The following DCP2 variants were observed in gnomAD, a reference collection of about 807,000 sequenced individuals.
DCP2 encodes m7GpppN-mRNA hydrolase.
In DCP2, 30 loss-of-function variants were observed where a neutral mutation model predicts 56.1. The observed-to-expected ratio is 0.53, with a 90% CI of 0.40 to 0.73. The LOEUF is 0.73. Ranked by LOEUF, DCP2 falls within the 30% of genes least tolerant of loss-of-function variation. DCP2 has a pLI of 0.00. For synonymous variants in DCP2, 197 were observed against 163.3 expected, an observed-to-expected ratio of 1.21 and a Z score of -1.57; for missense variants, 533 against 502.7, an observed-to-expected ratio of 1.06 and a Z score of -0.58.
At position 113,017,425 on chromosome 5, in the gene DCP2, T is replaced by A. The variant is rs1749934282; in HGVS notation, c.*3941T>A. 6.6e-6 allele frequency: 1 copy of A among 152,142 alleles called. No individual in the cohort carries two copies. Among genetic ancestry groups the A allele is most frequent in the African/African-American group, 2.4e-5 (1 of 41,432 alleles). The allele number at this position is 152,142 out of a possible 1,614,324, so 9.4% of individuals were successfully genotyped here. On this transcript the variant is annotated 3_prime_UTR_variant, in exon 11 of 11. Transcript: ENST00000389063. The stretch of plus-strand genomic sequence containing the variant: ...GTAAAGTCTAGGTAGAGTTTCTGAT[T>A]TTGTATTATGTCCTAAGACTTGAAA...
chr5:112,992,085 T>A (rs918442076), intron 2 of DCP2, 36 bp from the exon 3 acceptor site: 2 of 1,608,726 alleles, frequency 1.2e-6, no homozygotes, highest in Middle Eastern at 1.7e-4. Flanking sequence ...CAAGCCATAT[T>A]AAAGGAGAAA....
intron 1 of DCP2, chr5:112,984,692 A>AT (rs1561685065): frequency 2.9e-5 from 3 of 104,840 alleles, no homozygotes; most frequent in African/African-American, 1.5e-4. Context: ...TAATTAAAAA[A>AT]AAAAAAAAAA....
Position 113,016,750 on chromosome 5 carries a change from C to T in DCP2, c.*3266C>T, listed in dbSNP as rs1749902910. ...GACTTCTCATCCTTTCTTTTTTCAT[C>T]TCCAACAGTTAAATGGTAAGGAGAG... On this transcript the variant is annotated 3_prime_UTR_variant, in exon 11 of 11. Transcript: ENST00000389063. 3 of 152,022 alleles carry T rather than the reference C, an allele frequency of 2.0e-5. No homozygotes were observed. The highest frequency in any genetic ancestry group is 4.4e-5 in the Non-Finnish European group (3 of 68,016). The allele number at this position is 152,022 out of a possible 1,614,324, so 9.4% of individuals were successfully genotyped here.
intron 1 of DCP2, chr5:112,984,711 T>A (rs1317175937): frequency 7.8e-6 from 1 of 128,084 alleles, no homozygotes; most frequent in Non-Finnish European, 1.6e-5. Context: ...AAAATATATA[T>A]ATATATATAT....
rs185626461 is a variant in DCP2 at position 113,015,289 on chromosome 5, G to T, written c.*1805G>T. 5.3e-4 allele frequency: 80 copies of T among 152,240 alleles called. No homozygotes were observed. The highest frequency in any genetic ancestry group is 1.8e-3 in the African/African-American group (73 of 41,436). 9.4% of individuals were successfully genotyped at this position (152,240 alleles called of 1,614,324 possible). ...TGAAAATGTAGTTTGCCTGGCAGATGAATAATTTTCACTCATTTATTGTCT... is the reference window on the plus strand; with the variant it reads ...TGAAAATGTAGTTTGCCTGGCAGATTAATAATTTTCACTCATTTATTGTCT... On this transcript the variant is annotated 3_prime_UTR_variant, in exon 11 of 11. Coordinates refer to ENST00000389063, the MANE Select transcript of DCP2 (RefSeq NM_152624.6).
At position 112,998,944 on chromosome 5, in the gene DCP2, A is replaced by G. The variant is rs920556790; in HGVS notation, c.433-2140A>G. 2.0e-5 allele frequency among the ~76,000 whole-genome samples: 3 copies of G among 152,224 alleles called. No homozygotes were observed. The South Asian group carries it at 6.2e-4, about 32-fold the overall frequency. On this transcript the variant is annotated intron_variant, in intron 4 of 10. Coordinates refer to ENST00000389063, the MANE Select transcript of DCP2 (RefSeq NM_152624.6). ...TAATGGACAGTTCATATTCACATTC[A>G]CTAATTGCCCATTATGATTCAGCAG... is the stretch of plus-strand genomic sequence containing the variant.
At chr5:112,994,626 C>T (rs954941803) in intron 4 of DCP2, among the ~76,000 whole-genome samples, 1 of 152,118 alleles carries the variant, frequency 6.6e-6, no homozygotes, top group Admixed American at 6.6e-5. Flanking sequence ...TTATTTCTTA[C>T]CATTTATCAC....
At chr5:112,984,703 A>ATATATATATATATATATATATAT (rs1554098980) in intron 1 of DCP2, 137 of 64,770 alleles carry the variant, frequency 2.1e-3, no homozygotes, top group Middle Eastern at 8.8e-3. Flanking sequence ...AAAAAAAAAA[A>ATATATATATATATATATATATAT]ATATATATAT....
At chr5:112,988,386 G>A (rs897628534) in intron 2 of DCP2, among the ~76,000 whole-genome samples, 14 of 151,002 alleles carry the variant, frequency 9.3e-5, no homozygotes, top group African/African-American at 2.7e-4. Flanking sequence ...CAGCTACTCC[G>A]GAGGCTGAGG....
chr5:113,006,672 C>T (rs148846566), intron 8 of DCP2, among the ~76,000 whole-genome samples: 1 of 151,968 alleles, frequency 6.6e-6, no homozygotes, highest in Admixed American at 6.5e-5. Flanking sequence ...TTAGCCAGTC[C>T]TCAAATAGCT....
intron 2 of DCP2, among the ~76,000 whole-genome samples, chr5:112,991,024 T>C (rs192974961): frequency 1.3e-5 from 2 of 152,320 alleles, no homozygotes; most frequent in Non-Finnish European, 2.9e-5. Flanking sequence ...TTCTATATTA[T>C]GTCGTATGTC....
Position 113,015,150 on chromosome 5 carries a change from G to A in DCP2, c.*1666G>A, listed in dbSNP as rs1470923359. On this transcript the variant is annotated 3_prime_UTR_variant, in exon 11 of 11. Coordinates refer to ENST00000389063, the MANE Select transcript of DCP2 (RefSeq NM_152624.6). Reference sequence around the variant, plus strand: ...GCTTTTTAATGCATTATATGATTGTGTTTGGAAGCTTTTACTGTTCTTTTC... The same window carrying A: ...GCTTTTTAATGCATTATATGATTGTATTTGGAAGCTTTTACTGTTCTTTTC... 2.0e-5 allele frequency: 3 copies of A among 152,520 alleles called. No individual in the cohort carries two copies. Among genetic ancestry groups the A allele is most frequent in the Non-Finnish European group, 2.9e-5 (2 of 67,990 alleles). 9.4% of individuals were successfully genotyped at this position (152,520 alleles called of 1,614,324 possible).
At chr5:113,004,870 G>C (rs1405971981) in intron 8 of DCP2, among the ~76,000 whole-genome samples, 2 of 150,526 alleles carry the variant, frequency 1.3e-5, no homozygotes, top group Admixed American at 1.3e-4. Context: ...GCTCATGGCT[G>C]TAATCCCAGC....
rs1254918608 is a variant in DCP2, at chr5:113,015,875, G to GA, written c.*2392dup. 6.6e-6 allele frequency: 1 copy of GA among 152,632 alleles called. No homozygotes were observed. The highest frequency in any genetic ancestry group is 2.4e-5 in the African/African-American group (1 of 41,448). The allele number at this position is 152,632 out of a possible 1,614,324, so 9.5% of individuals were successfully genotyped here. ...CCTTTGAGAAATTTTAGTATGGTTT[G>GA]AGGAAATCAAGTGATAAAGGAGTAT... On this transcript the variant is annotated 3_prime_UTR_variant, in exon 11 of 11. Transcript: ENST00000389063.
intron 8 of DCP2, among the ~76,000 whole-genome samples, chr5:113,005,480 T>C (rs540632702): frequency 6.6e-6 from 1 of 152,242 alleles, no homozygotes; most frequent in South Asian, 2.1e-4. Flanking sequence ...AGGATGGCTA[T>C]AATAAAAAAC....
chr5:113,008,100 G>A, intron 9 of DCP2, 58 bp downstream of exon 9: 4 of 1,378,476 alleles, frequency 2.9e-6, no homozygotes, highest in Non-Finnish European at 4.1e-6. Flanking sequence ...AGTGAAACAA[G>A]GGCATTGCCA....
rs1750168107 is a variant in DCP2, at chr5:113,022,012, G to A, written c.*8528G>A. 1 of 152,160 alleles carries A rather than the reference G, an allele frequency of 6.6e-6. No individual in the cohort carries two copies. Among genetic ancestry groups the A allele is most frequent in the South Asian group, 2.1e-4 (1 of 4,824 alleles). 9.4% of individuals were successfully genotyped at this position (152,160 alleles called of 1,614,324 possible). ...CTTTGACTAGGGCTCTTGATTTCAT[G>A]TAAGCATCATGGATTTGATATTTGC... On this transcript the variant is annotated 3_prime_UTR_variant, in exon 11 of 11. Coordinates refer to ENST00000389063, the MANE Select transcript of DCP2 (RefSeq NM_152624.6).
chr5:113,008,269 G>A, intron 9 of DCP2: 1 of 388,976 alleles, frequency 2.6e-6, no homozygotes, highest in Non-Finnish European at 4.6e-6. Flanking sequence ...TTTTTATGTG[G>A]CTGTTTATTT....
At chr5:113,011,957 G>C (rs937579154) in intron 10 of DCP2, among the ~76,000 whole-genome samples, 1 of 152,050 alleles carries the variant, frequency 6.6e-6, no homozygotes, top group African/African-American at 2.4e-5. Flanking sequence ...TTTATTGAAG[G>C]GTCTATTATT....
Sources: gnomAD v4.1 joint callset for allele counts (sites outside exome capture counted in the v4.1 genomes callset) on GRCh38, gnomAD v4.1.1 for gene constraint, MANE v1.5 for transcripts, NCBI Gene and HGNC (gene_info 2026-07-23, HGNC 2026-07-21) for gene names.